The following DNAJB9 variants were observed in gnomAD, a reference collection of about 807,000 sequenced individuals.
DNAJB9 encodes the protein DnaJ heat shock protein family (Hsp40) member B9, also known as dnaJ homolog subfamily B member 9.
In DNAJB9, 12 loss-of-function variants were observed where a neutral mutation model predicts 19.2. That is an observed-to-expected ratio of 0.62 (90% CI 0.40 to 1.01). The LOEUF is 1.01. Among genes scored for constraint, DNAJB9 ranks in the 50% least tolerant of loss-of-function variants. DNAJB9 has a pLI of 0.00. For missense variants in DNAJB9, 272 were observed against 261.1 expected (o/e 1.04, Z -0.29); for synonymous variants, 83 against 84.0 (o/e 0.99, Z 0.07).
intron 1 of DNAJB9, among the ~76,000 whole-genome samples, chr7:108,571,156 G>A (rs1412728613): frequency 6.6e-6 from 1 of 152,192 alleles, no homozygotes; most frequent in Non-Finnish European, 1.5e-5. Flanking sequence ...TGTATTGTCA[G>A]TATTAGTATT....
chr7:108,572,925 A>T lies in DNAJB9; in HGVS notation c.244A>T (p.Arg82Ter). 6.2e-7 allele frequency: 1 copy of T among 1,608,476 alleles called. No homozygotes were observed. The highest frequency in any genetic ancestry group is 2.2e-5 in the East Asian group (1 of 44,792). The change falls in exon 3 of 3, where the codon AGA (arginine) becomes TGA (stop). Residue 82 changes from arginine (R) to a stop codon, truncating the protein, a stop_gained. Coordinates refer to ENST00000249356, the MANE Select transcript of DNAJB9 (RefSeq NM_012328.3). LOFTEE classifies it high-confidence loss of function. ...ATATGAAACACTCTCAGATGCTAAT[A>T]GACGAAAAGAGTATGATACACTTGG... is the stretch of plus-strand genomic sequence containing the variant. ...EAYETLSDAN[R>*]RKEYDTLGHS...
At position 108,571,881 on chromosome 7, in the gene DNAJB9, A is replaced by AG; in HGVS notation, c.156dup (p.Tyr53ValfsTer4). The AG allele has an allele frequency of 6.2e-7, 1 of 1,614,190 alleles. No homozygotes were observed. The highest frequency in any genetic ancestry group is 2.2e-5 in the East Asian group (1 of 44,886). On this transcript the variant is annotated frameshift_variant, in exon 2 of 3. Transcript: ENST00000249356. LOFTEE classifies it high-confidence loss of function. ...AAGGCCTTTCACAAGTTGGCCATGA[A>AG]GTACCACCCTGACAAAAATAAGAGC...
rs1790652058 is a variant in DNAJB9, at chr7:108,573,416, C to T, written c.*63C>T. 7.9e-7 allele frequency: 1 copy of T among 1,261,158 alleles called. No homozygotes were observed. The highest frequency in any genetic ancestry group is 1.1e-6 in the Non-Finnish European group (1 of 943,186). 78.1% of individuals were successfully genotyped at this position (1,261,158 alleles called of 1,614,324 possible). A position where few individuals can be genotyped will look rare whatever the true frequency, so the allele number is the denominator to read the frequency against. The stretch of plus-strand genomic sequence containing the variant: ...CTTCCTCATTATCTTTGATGCTAAA[C>T]AATTTTCTGTGAACTATTTTGACAA... On this transcript the variant is annotated 3_prime_UTR_variant, in exon 3 of 3. Coordinates refer to ENST00000249356, the MANE Select transcript of DNAJB9 (RefSeq NM_012328.3).
At position 108,573,959 on chromosome 7, in the gene DNAJB9, A is replaced by C. The variant is rs1021435242; in HGVS notation, c.*606A>C. 1 of 152,434 alleles carries C rather than the reference A, an allele frequency of 6.6e-6. No homozygotes were observed. The highest frequency in any genetic ancestry group is 2.4e-5 in the African/African-American group (1 of 41,468). The allele number at this position is 152,434 out of a possible 1,614,324, so 9.4% of individuals were successfully genotyped here. ...TATTGCCCATAGTCATTTAGGCTGG[A>C]AAAAAGTTGAAAACTTAACGAAATA... On this transcript the variant is annotated 3_prime_UTR_variant, in exon 3 of 3. Coordinates refer to ENST00000249356, the MANE Select transcript of DNAJB9 (RefSeq NM_012328.3).
intron 1 of DNAJB9, 47 bp downstream of exon 1, chr7:108,570,150 C>G (rs371583578): frequency 6.4e-6 from 1 of 155,840 alleles, no homozygotes; most frequent in African/African-American, 2.4e-5. Flanking sequence ...CGGAGGGTCC[C>G]CGTAGCCCAG....
chr7:108,571,626 A>G, intron 1 of DNAJB9, 91 bp from the exon 2 acceptor site: 11 of 1,016,126 alleles, frequency 1.1e-5, no homozygotes, highest in South Asian at 1.6e-5. Flanking sequence ...TTGATACTGC[A>G]TTAGGTTTAC....
At chr7:108,572,421 G>T (rs898754200) in intron 2 of DNAJB9, among the ~76,000 whole-genome samples, 2 of 152,142 alleles carry the variant, frequency 1.3e-5, no homozygotes, top group Admixed American at 1.3e-4. Context: ...AAAACAAATT[G>T]CACCTGCTGA....
chr7:108,570,786 C>G (rs529743386), intron 1 of DNAJB9, among the ~76,000 whole-genome samples: 1 of 152,272 alleles, frequency 6.6e-6, no homozygotes, highest in Admixed American at 6.5e-5. Context: ...TTTCCACAAA[C>G]CGTAGTGTTT....
rs1180428494 is a variant in DNAJB9, at chr7:108,571,808, T to C, written c.82T>C (p.Tyr28His). 1 of 1,614,184 alleles carries C rather than the reference T, an allele frequency of 6.2e-7. No individual in the cohort carries two copies. Among genetic ancestry groups the C allele is most frequent in the Non-Finnish European group, 8.5e-7 (1 of 1,180,012 alleles). ...TELILASKSY[Y>H]DILGVPKSAS... The stretch of plus-strand genomic sequence containing the variant: ...ATTAATTCTGGCCTCAAAAAGCTAC[T>C]ATGATATCTTAGGTGTGCCAAAATC... The change falls in exon 2 of 3, where the codon TAT (tyrosine) becomes CAT (histidine). Residue 28 changes from tyrosine to histidine, a missense_variant. By Grantham distance (83) the Tyr-to-His change is moderately conservative (BLOSUM62 2). Coordinates refer to ENST00000249356, the MANE Select transcript of DNAJB9 (RefSeq NM_012328.3).
rs140430481 is a variant in DNAJB9, at chr7:108,571,745, A to T, written c.19A>T (p.Ile7Phe). Residue 7 changes from isoleucine to phenylalanine, a missense_variant, in exon 2 of 3, where the codon ATT becomes TTT. By Grantham distance (21) the Ile-to-Phe change is conservative (BLOSUM62 0). Coordinates refer to ENST00000249356, the MANE Select transcript of DNAJB9 (RefSeq NM_012328.3). ...ATTAGAAATGGCTACTCCCCAGTCAATTTTCATCTTTGCAATCTGCATTTT... is the reference window on the plus strand; with the variant it reads ...ATTAGAAATGGCTACTCCCCAGTCATTTTTCATCTTTGCAATCTGCATTTT... MATPQS[I>F]FIFAICILMI... 18 of 1,613,826 alleles carry T rather than the reference A, an allele frequency of 1.1e-5. No individual in the cohort carries two copies. Among genetic ancestry groups the T allele is most frequent in the Non-Finnish European group, 3.4e-6 (4 of 1,179,936 alleles).
intron 1 of DNAJB9, among the ~76,000 whole-genome samples, chr7:108,570,549 T>G (rs1465422049): frequency 6.6e-6 from 1 of 152,096 alleles, no homozygotes; most frequent in South Asian, 2.1e-4. Context: ...TGGAATAACG[T>G]CTGCTGAACC....
At chr7:108,570,636 G>A (rs1790604108) in intron 1 of DNAJB9, among the ~76,000 whole-genome samples, 1 of 152,146 alleles carries the variant, frequency 6.6e-6, no homozygotes, top group Non-Finnish European at 1.5e-5. Flanking sequence ...GCGTCCATGG[G>A]ACACACTGTT....
In DNAJB9 at chr7:108,573,405, T is replaced by C; in HGVS notation, c.*52T>C. 7.4e-7 allele frequency: 1 copy of C among 1,349,116 alleles called. No individual in the cohort carries two copies. The highest frequency in any genetic ancestry group is 9.8e-7 in the Non-Finnish European group (1 of 1,016,442). 83.6% of individuals were successfully genotyped at this position (1,349,116 alleles called of 1,614,324 possible). A position where few individuals can be genotyped will look rare whatever the true frequency, so the allele number is the denominator to read the frequency against. ...ACTGGTTGACTCTTCCTCATTATCT[T>C]TGATGCTAAACAATTTTCTGTGAAC... On this transcript the variant is annotated 3_prime_UTR_variant, in exon 3 of 3. Coordinates refer to ENST00000249356, the MANE Select transcript of DNAJB9 (RefSeq NM_012328.3).
At chr7:108,570,999 C>A (rs753911996) in intron 1 of DNAJB9, among the ~76,000 whole-genome samples, 1 of 152,176 alleles carries the variant, frequency 6.6e-6, no homozygotes, top group South Asian at 2.1e-4. Flanking sequence ...TCTGCCTTAA[C>A]CACAGTACAA....
chr7:108,573,196 A>T lies in DNAJB9; in HGVS notation c.515A>T (p.Asp172Val). ...GGATTATTTGATGACATGTTTGAAG[A>T]TATGGAGAAAATGTTTTCTTTTAGT... ...GGGLFDDMFE[D>V]MEKMFSFSGF... The change falls in exon 3 of 3, where the codon GAT becomes GTT. Residue 172 changes from aspartate to valine, a missense_variant. By Grantham distance (152) the Asp-to-Val change is radical. Transcript: ENST00000249356. 6.2e-7 allele frequency: 1 copy of T among 1,614,048 alleles called. No homozygotes were observed. The highest frequency in any genetic ancestry group is 8.5e-7 in the Non-Finnish European group (1 of 1,179,938).
Position 108,571,871 on chromosome 7 carries a change from T to A in DNAJB9, c.145T>A (p.Leu49Met), listed in dbSNP as rs1483468797. 6.2e-7 allele frequency: 1 copy of A among 1,614,126 alleles called. No individual in the cohort carries two copies. Among genetic ancestry groups the A allele is most frequent in the East Asian group, 2.2e-5 (1 of 44,882 alleles). ...ERQIKKAFHK[L>M]AMKYHPDKNK... ...CCAAATCAAGAAGGCCTTTCACAAG[T>A]TGGCCATGAAGTACCACCCTGACAA... Residue 49 changes from leucine (L) to methionine (M), a missense_variant, in exon 2 of 3, where the codon TTG becomes ATG. Physicochemically the swap from Leu to Met is conservative, Grantham distance 15 (BLOSUM62 2). Coordinates refer to ENST00000249356, the MANE Select transcript of DNAJB9 (RefSeq NM_012328.3).
chr7:108,571,646 G>C (rs1243824513), intron 1 of DNAJB9, 71 bp from the exon 2 acceptor site: 2 of 1,290,066 alleles, frequency 1.6e-6, no homozygotes, highest in Non-Finnish European at 2.2e-6. Context: ...CCTTGTGTTG[G>C]ATTTCTTTTA....
chr7:108,571,678 A>G, intron 1 of DNAJB9, 39 bp from the exon 2 acceptor site: 1 of 1,535,976 alleles, frequency 6.5e-7, no homozygotes, highest in East Asian at 2.3e-5. Context: ...TTTTAAGATT[A>G]GCTCCATCCA....
chr7:108,573,300 A>G lies in DNAJB9; in HGVS notation c.619A>G (p.Thr207Ala). ...HGSSKHCRTV[T>A]QRRGNMVTTY... ...ATCTAGCAAGCACTGCAGGACTGTCACTCAACGAAGAGGAAATATGGTTAC... is the reference window on the plus strand; with the variant it reads ...ATCTAGCAAGCACTGCAGGACTGTCGCTCAACGAAGAGGAAATATGGTTAC... Residue 207 changes from threonine to alanine, a missense_variant, in exon 3 of 3, where the codon ACT becomes GCT. Coordinates refer to ENST00000249356, the MANE Select transcript of DNAJB9 (RefSeq NM_012328.3). 1 of 1,610,370 alleles carries G rather than the reference A, an allele frequency of 6.2e-7. No individual in the cohort carries two copies. The highest frequency in any genetic ancestry group is 8.5e-7 in the Non-Finnish European group (1 of 1,178,400).
Sources: allele counts gnomAD v4.1 joint callset (sites outside exome capture counted in the v4.1 genomes callset), GRCh38; gene constraint gnomAD v4.1.1; transcripts MANE v1.5; gene names NCBI Gene and HGNC (gene_info 2026-07-23, HGNC 2026-07-21).